The following DNAH9 variants were observed in gnomAD, a reference collection of about 807,000 sequenced individuals.
The protein encoded by DNAH9 is DNAH9 variant protein.
A neutral mutation model predicts 471.6 loss-of-function variants in DNAH9; 345 were observed. The observed-to-expected ratio is 0.73, with a 90% confidence interval of 0.67 to 0.80. DNAH9 has a LOEUF of 0.80. Among genes scored for constraint, DNAH9 ranks in the 30% least tolerant of loss-of-function variants. The pLI is 0.00. For missense variants in DNAH9, 5,407 were observed against 5,609.2 expected (o/e 0.96, Z 1.15); for synonymous variants, 2,093 against 2,123.6 (o/e 0.99, Z 0.40).
rs149815184 is a variant in DNAH9, at chr17:11,639,548, A to T, written c.1787-722A>T. The stretch of plus-strand genomic sequence containing the variant: ...ATCCACATGACCTGCCTCATTCATC[A>T]TCTTATGGAATTCTCACAGAAACTC... On this transcript the variant is annotated intron_variant, in intron 9 of 68. Transcript: ENST00000262442. 3.0e-4 allele frequency among the ~76,000 whole-genome samples: 45 copies of T among 152,308 alleles called. 1 individual carries two copies. The highest frequency in any genetic ancestry group is 8.9e-4 in the African/African-American group (37 of 41,562).
rs1972657313 is a variant in DNAH9, at chr17:11,880,091, A to G, written c.10492A>G (p.Ile3498Val). ...TTGTTTCCCTAGCTACCTTCAAATC[A>G]TAGAGCAGGCCCTGGAAGCTGGAGC... ...QIGQKGYLQI[I>V]EQALEAGAVV... Residue 3498 changes from isoleucine (I) to valine (V), a missense_variant, in exon 54 of 69, where the codon ATA becomes GTA. By Grantham distance (29) the Ile-to-Val change is conservative. Transcript: ENST00000262442. The G allele has an allele frequency of 1.9e-6, 3 of 1,613,704 alleles. No homozygotes were observed. Among genetic ancestry groups the G allele is most frequent in the African/African-American group, 1.3e-5 (1 of 74,898 alleles).
chr17:11,647,402 CAAAGACTTTTTATAAGAACATGCA>C lies in DNAH9; in HGVS notation c.2097+210_2097+233del, dbSNP rs1218608806. Among the ~76,000 whole-genome samples the C allele has an allele frequency of 6.6e-5, 10 of 152,134 alleles. 1 individual carries two copies. The highest frequency in any genetic ancestry group is 4.1e-4 in the South Asian group (2 of 4,830). ...ATTCTCCTACCTCAGCCTCCCAGCA[CAAAGACTTTTTATAAGAACATGCA>C]AAAGATTCTCAAAATAATTTGTACC... On this transcript the variant is annotated intron_variant, in intron 12 of 68. Coordinates refer to ENST00000262442, the MANE Select transcript of DNAH9 (RefSeq NM_001372.4).
intron 35 of DNAH9, among the ~76,000 whole-genome samples, chr17:11,762,037 G>A (rs60347000): frequency 0.024 from 3,216 of 134,060 alleles, 120 homozygotes; most frequent in African/African-American, 0.075. Flanking sequence ...TGTTATATCC[G>A]TCTGTTACAA....
At chr17:11,762,363 T>TG (rs1244964747) in intron 35 of DNAH9, among the ~76,000 whole-genome samples, 1 of 152,220 alleles carries the variant, frequency 6.6e-6, no homozygotes, top group South Asian at 2.1e-4. Flanking sequence ...TGTGGGTACG[T>TG]GGTGTGCTCT....
In DNAH9 at chr17:11,891,851, C is replaced by T. The variant is rs1567880123; in HGVS notation, c.11187C>T (p.Asn3729=). 1.2e-6 allele frequency: 2 copies of T among 1,614,116 alleles called. No homozygotes were observed. Among genetic ancestry groups the T allele is most frequent in the East Asian group, 2.2e-5 (1 of 44,876 alleles). The change falls in exon 58 of 69, where the codon AAC becomes AAT. Residue 3729 remains asparagine, a synonymous_variant. Transcript: ENST00000262442. ...PDESLRERVA[N]LIDSITFSVY... is the part of the protein sequence containing the mutation. Reference sequence around the variant, plus strand: ...AAAGCCTCAGGGAGCGGGTGGCCAACCTAATAGACAGCATAACCTTCTCTG... The same window carrying T: ...AAAGCCTCAGGGAGCGGGTGGCCAATCTAATAGACAGCATAACCTTCTCTG...
At chr17:11,676,556 T>C (rs1440442506) in intron 17 of DNAH9, among the ~76,000 whole-genome samples, 1 of 152,164 alleles carries the variant, frequency 6.6e-6, no homozygotes, top group Non-Finnish European at 1.5e-5. Context: ...GTGCTGGGAT[T>C]ACAGGCATGA....
intron 32 of DNAH9, among the ~76,000 whole-genome samples, chr17:11,748,263 G>A (rs1383589128): frequency 6.6e-6 from 1 of 151,850 alleles, no homozygotes; most frequent in Admixed American, 6.6e-5. Flanking sequence ...GGTGGTGGAG[G>A]TTGCAGTGAG....
Position 11,883,720 on chromosome 17 carries a change from C to G in DNAH9, c.10941C>G (p.Thr3647=). 6.2e-7 allele frequency: 1 copy of G among 1,614,074 alleles called. No homozygotes were observed. The highest frequency in any genetic ancestry group is 8.5e-7 in the Non-Finnish European group (1 of 1,179,988). The change falls in exon 56 of 69, where the codon ACC becomes ACG. Residue 3647 remains threonine, a synonymous_variant. Transcript: ENST00000262442. ...ETVLVENLEI[T]KQTAAEVEKK... ...TGCTGGTGGAAAACCTAGAGATCAC[C>G]AAGCAGACTGCTGCCGAAGTTGAGA... is the stretch of plus-strand genomic sequence containing the variant.
intron 9 of DNAH9, among the ~76,000 whole-genome samples, chr17:11,638,827 C>T (rs1333133244): frequency 1.3e-5 from 2 of 152,288 alleles, no homozygotes; most frequent in East Asian, 3.9e-4. Flanking sequence ...CACTGCCATC[C>T]TCCTTGCTGT....
In DNAH9 at chr17:11,632,767, G is replaced by A. The variant is rs572062132; in HGVS notation, c.1635+64G>A. The A allele has an allele frequency of 1.1e-4, 84 of 770,512 alleles. No individual in the cohort carries two copies. The Middle Eastern group carries it at 2.8e-3, about 25-fold the overall frequency. 47.7% of individuals were successfully genotyped at this position (770,512 alleles called of 1,614,324 possible). ...ACTCCCCCGGCCCTCATCAGAGGAT[G>A]ATATGGATACCTTTCCACCTGTTCT... On this transcript the variant is annotated intron_variant, in intron 8 of 68. Transcript: ENST00000262442.
At chr17:11,968,809 A>G (rs967699470) in intron 68 of DNAH9, among the ~76,000 whole-genome samples, 3 of 152,228 alleles carry the variant, frequency 2.0e-5, no homozygotes, top group Non-Finnish European at 4.4e-5. Flanking sequence ...TACATGAGTA[A>G]AGATAGAATG....
chr17:11,646,211 G>T (rs1288008856), intron 11 of DNAH9, among the ~76,000 whole-genome samples: 2 of 151,848 alleles, frequency 1.3e-5, no homozygotes, highest in Non-Finnish European at 2.9e-5. Flanking sequence ...TAGAGACGGG[G>T]TTTCTCCATG....
At position 11,892,041 on chromosome 17, in the gene DNAH9, C is replaced by T; in HGVS notation, c.11283+94C>T. The T allele has an allele frequency of 7.2e-7, 1 of 1,396,868 alleles. No individual in the cohort carries two copies. The highest frequency in any genetic ancestry group is 2.3e-5 in the East Asian group (1 of 43,638). 86.5% of individuals were successfully genotyped at this position (1,396,868 alleles called of 1,614,324 possible). A position where few individuals can be genotyped will look rare whatever the true frequency, so the allele number is the denominator to read the frequency against. ...AACTTTCTTCTTTGAACATCACTTT[C>T]CACAGCATGTCCAGACTATCTGTCT... On this transcript the variant is annotated intron_variant, in intron 58 of 68. Transcript: ENST00000262442. This position sits in a 1 kb window ranked among gnomAD's most constrained non-coding sequence, Gnocchi z 4.3.
chr17:11,759,707 G>A (rs75299469), intron 35 of DNAH9, among the ~76,000 whole-genome samples: 2 of 132,410 alleles, frequency 1.5e-5, no homozygotes, highest in South Asian at 4.7e-4. Flanking sequence ...TTTTTTTTTG[G>A]TCAGAGTCTC....
chr17:11,945,406 G>A (rs992702968), intron 67 of DNAH9, among the ~76,000 whole-genome samples: 11 of 151,542 alleles, frequency 7.3e-5, no homozygotes, highest in Admixed American at 7.2e-4. Context: ...GCGTGGTGGC[G>A]GGCGCCTGTA....
At chr17:11,731,019 G>T (rs1365095612) in intron 28 of DNAH9, among the ~76,000 whole-genome samples, 1 of 83,722 alleles carries the variant, frequency 1.2e-5, no homozygotes, top group African/African-American at 4.5e-5. Flanking sequence ...TGATGATGGT[G>T]GTGATGATGA....
chr17:11,933,920 T>C lies in DNAH9; in HGVS notation c.12338T>C (p.Met4113Thr), dbSNP rs1169432537. The C allele has an allele frequency of 1.2e-5, 19 of 1,614,016 alleles. No individual in the cohort carries two copies. The highest frequency in any genetic ancestry group is 1.6e-5 in the Non-Finnish European group (19 of 1,180,018). The change falls in exon 65 of 69, where the codon ATG becomes ACG. Residue 4113 changes from methionine to threonine, a missense_variant. This residue lies in a region of DNAH9 where 4,636 missense variants were observed against 4,900.3 expected (regional missense o/e 0.95). Transcript: ENST00000262442. Reference sequence around the variant, plus strand: ...TTGCGCTACCTGTTTGGAGAGATCATGTATGGAGGCCATATCACAGATGAC... The same window carrying C: ...TTGCGCTACCTGTTTGGAGAGATCACGTATGGAGGCCATATCACAGATGAC... ...DDLRYLFGEI[M>T]YGGHITDDWD...
chr17:11,651,924 AGAGGGATTCACAG>A (rs1390156473), intron 13 of DNAH9, among the ~76,000 whole-genome samples: 1 of 152,126 alleles, frequency 6.6e-6, no homozygotes, highest in Non-Finnish European at 1.5e-5. Context: ...GAATAGCAGG[AGAGGGATTCACAG>A]GAGGGAATCA....
chr17:11,969,702 G>A lies in DNAH9; in HGVS notation c.*175G>A. 1 of 601,460 alleles carries A rather than the reference G, an allele frequency of 1.7e-6. No individual in the cohort carries two copies. The highest frequency in any genetic ancestry group is 2.9e-6 in the Non-Finnish European group (1 of 344,388). 37.3% of individuals were successfully genotyped at this position (601,460 alleles called of 1,614,324 possible). On this transcript the variant is annotated 3_prime_UTR_variant, in exon 69 of 69. Transcript: ENST00000262442. ...GGTGTGCCTAAGGTGAGGCTGAGCT[G>A]AAGGAATGTGGGCCCAGGTTTCTTA...
Sources: gnomAD v4.1 joint callset for allele counts (sites outside exome capture counted in the v4.1 genomes callset) on GRCh38, gnomAD v4.1.1 for gene constraint, gnomAD v4.1.1 regional missense constraint, Gnocchi (gnomAD v3.1) non-coding constraint, MANE v1.5 for transcripts, NCBI Gene and HGNC (gene_info 2026-07-23, HGNC 2026-07-21) for gene names.